The following PTPRT variants were observed in gnomAD, a reference collection of about 807,000 sequenced individuals.
PTPRT encodes protein tyrosine phosphatase receptor type T.
A neutral mutation model predicts 176.8 loss-of-function variants in PTPRT; 56 were observed. The ratio of observed to expected loss-of-function variants is 0.32; its 90% CI spans 0.26 to 0.40. The LOEUF is 0.40. PTPRT is among the 10% of genes least tolerant of loss of function. PTPRT has a pLI of 1.00. For synonymous variants in PTPRT, 783 were observed against 739.0 expected (o/e 1.06, Z -0.96); for missense variants, 1,540 against 1,908.2 (o/e 0.81, Z 3.60).
chr20:42,242,722 G>A (rs976089833), intron 14 of PTPRT, among the ~76,000 whole-genome samples: 1 of 152,062 alleles, frequency 6.6e-6, no homozygotes. Context: ...AAGCTAAGAA[G>A]AACTAAGAAA....
rs371839258 is a variant in PTPRT at position 42,574,181 on chromosome 20, T to C, written c.1154-101619A>G. Among the ~76,000 whole-genome samples, 462 of 152,294 alleles carry C rather than the reference T, an allele frequency of 3.0e-3. 20 individuals are homozygous for C. The South Asian group carries it at 0.092, about 30-fold the overall frequency. On this transcript the variant is annotated intron_variant, in intron 7 of 30. Coordinates refer to ENST00000373187, the MANE Select transcript of PTPRT (RefSeq NM_007050.6). ...CCGGTTGGAGGGCCATGGCAGCCAG[T>C]ATTTTATTTAAAACACTCAGAGTTT...
At chr20:42,666,039 A>G (rs536079473) in intron 7 of PTPRT, among the ~76,000 whole-genome samples, 2 of 152,258 alleles carry the variant, frequency 1.3e-5, no homozygotes, top group East Asian at 1.9e-4. Flanking sequence ...ACATGTATAC[A>G]TATGTAACAA....
At chr20:42,454,087 T>G (rs2070880324) in intron 8 of PTPRT, among the ~76,000 whole-genome samples, 1 of 152,174 alleles carries the variant, frequency 6.6e-6, no homozygotes, top group Non-Finnish European at 1.5e-5. Flanking sequence ...TTAGTTTTTC[T>G]TGGTTTCTTT....
Position 42,619,654 on chromosome 20 carries a change from T to C in PTPRT, c.1153+58212A>G, listed in dbSNP as rs1179435524. Among the ~76,000 whole-genome samples, 66 of 136,344 alleles carry C rather than the reference T, an allele frequency of 4.8e-4. 14 individuals are homozygous for C. Among genetic ancestry groups the C allele is most frequent in the African/African-American group, 2.1e-3 (62 of 30,076 alleles). 89.4% of individuals were successfully genotyped at this position (136,344 alleles called of 152,430 possible). ...TTTGCTCATTTCTTTTTATTCTTTT[T>C]TCTCTAAACTTCCCTTCTCGCTTCA... On this transcript the variant is annotated intron_variant, in intron 7 of 30. Coordinates refer to ENST00000373187, the MANE Select transcript of PTPRT (RefSeq NM_007050.6).
intron 1 of PTPRT, among the ~76,000 whole-genome samples, chr20:43,101,015 T>C (rs2012374742): frequency 6.6e-6 from 1 of 152,148 alleles, no homozygotes; most frequent in African/African-American, 2.4e-5. Flanking sequence ...GTTCAGATAA[T>C]AGGCACGTTT....
At chr20:42,481,317 T>C (rs1160417690) in intron 7 of PTPRT, among the ~76,000 whole-genome samples, 1 of 152,192 alleles carries the variant, frequency 6.6e-6, no homozygotes, top group Non-Finnish European at 1.5e-5. Context: ...CAGTACTGTT[T>C]AGGAATCAAG....
At chr20:42,222,956 A>G (rs1287249507) in intron 15 of PTPRT, among the ~76,000 whole-genome samples, 1 of 152,132 alleles carries the variant, frequency 6.6e-6, no homozygotes, top group Non-Finnish European at 1.5e-5. Context: ...AACCTGTGGG[A>G]TCTGACACTA....
At chr20:42,344,506 T>C (rs1372691718) in intron 11 of PTPRT, among the ~76,000 whole-genome samples, 1 of 152,148 alleles carries the variant, frequency 6.6e-6, no homozygotes, top group Non-Finnish European at 1.5e-5. Context: ...GGCCACAGTC[T>C]AGCAGAGGCT....
intron 9 of PTPRT, among the ~76,000 whole-genome samples, chr20:42,381,997 T>C (rs1363201262): frequency 2.0e-5 from 3 of 152,124 alleles, no homozygotes; most frequent in Non-Finnish European, 4.4e-5. Context: ...GGGTAATATA[T>C]CCAAGCCATA....
At chr20:42,126,636 G>C (rs1177994185) in intron 19 of PTPRT, among the ~76,000 whole-genome samples, 1 of 152,120 alleles carries the variant, frequency 6.6e-6, no homozygotes, top group Non-Finnish European at 1.5e-5. Flanking sequence ...TTGAAGCTTT[G>C]ATTTTCCTTT....
At chr20:42,594,901 G>A (rs868365503) in intron 7 of PTPRT, among the ~76,000 whole-genome samples, 12 of 152,308 alleles carry the variant, frequency 7.9e-5, no homozygotes, top group Middle Eastern at 3.4e-3. Flanking sequence ...GGTGTATGAC[G>A]TGGGAACCCT....
chr20:42,897,484 AC>A (rs572598430), intron 1 of PTPRT, among the ~76,000 whole-genome samples: 115 of 152,336 alleles, frequency 7.5e-4, no homozygotes, highest in African/African-American at 2.5e-3. Flanking sequence ...CCAAGGCAGC[AC>A]AGTACAGTGG....
chr20:42,354,863 G>C (rs1231374303), intron 9 of PTPRT, among the ~76,000 whole-genome samples: 1 of 152,066 alleles, frequency 6.6e-6, no homozygotes, highest in Non-Finnish European at 1.5e-5. Flanking sequence ...TGAGGAGAGA[G>C]GTCAGACGGT....
intron 6 of PTPRT, among the ~76,000 whole-genome samples, chr20:42,692,188 C>T (rs1383580785): frequency 6.6e-6 from 1 of 152,166 alleles, no homozygotes; most frequent in Non-Finnish European, 1.5e-5. Context: ...GAATTACTTC[C>T]AAACTTACTT....
chr20:42,758,842 C>A (rs1480111165), intron 5 of PTPRT, among the ~76,000 whole-genome samples: 1 of 152,152 alleles, frequency 6.6e-6, no homozygotes, highest in African/African-American at 2.4e-5. Flanking sequence ...CATTCGCTTG[C>A]CCGAATAAAA....
intron 7 of PTPRT, among the ~76,000 whole-genome samples, chr20:42,480,217 A>C (rs1342218910): frequency 6.6e-6 from 1 of 152,216 alleles, no homozygotes; most frequent in African/African-American, 2.4e-5. Flanking sequence ...TTTCTCATGT[A>C]GGAAACGTAG....
At chr20:42,057,227 T>C in the PTPRT span, among the ~76,000 whole-genome samples, 7 of 152,158 alleles carry the variant, frequency 4.6e-5, no homozygotes. Context: ...GGTGCCTGTC[T>C]ACCTAAAGAA....
At chr20:42,746,732 G>A (rs906473290) in intron 6 of PTPRT, among the ~76,000 whole-genome samples, 6 of 152,116 alleles carry the variant, frequency 3.9e-5, no homozygotes, top group South Asian at 4.1e-4. Context: ...TGAAACTCAC[G>A]CAGAAGATGA....
At chr20:42,133,973 A>C (rs12480505) in intron 18 of PTPRT, among the ~76,000 whole-genome samples, 51,464 of 152,026 alleles carry the variant, frequency 0.34, 8,969 homozygotes, top group East Asian at 0.54. Flanking sequence ...TCTCCACTTG[A>C]CCTCTGTACC....
Sources: allele counts gnomAD v4.1 joint callset (sites outside exome capture counted in the v4.1 genomes callset), GRCh38; gene constraint gnomAD v4.1.1; transcripts MANE v1.5; gene names NCBI Gene and HGNC (gene_info 2026-07-23, HGNC 2026-07-21).